Variants in CCSER2 observed in about 807,000 individuals in gnomAD.
CCSER2 encodes coiled-coil serine rich protein 2.
A neutral mutation model predicts 92.3 loss-of-function variants in CCSER2; 46 were observed. That is an observed-to-expected ratio of 0.50 (90% CI 0.39 to 0.64). The LOEUF is 0.64. Among genes scored for constraint, CCSER2 ranks in the 30% least tolerant of loss-of-function variants. CCSER2 has a pLI of 0.00. For missense variants in CCSER2, 1,244 were observed against 1,238.9 expected (o/e 1.00, Z -0.06); for synonymous variants, 433 against 431.4 (o/e 1.00, Z -0.04).
At position 84,508,209 on chromosome 10, in the gene CCSER2, C is replaced by T. The variant is rs182403281; in HGVS notation, c.2326-5240C>T. 7.9e-4 allele frequency among the ~76,000 whole-genome samples: 121 copies of T among 152,270 alleles called. 1 individual carries two copies. The highest frequency in any genetic ancestry group is 7.2e-3 in the Admixed American group (110 of 15,284). ...TTACTCATTTATAGAAAGAAAAGAA[C>T]AGTATGTTTCACCTAGGGGTCTCAT... On this transcript the variant is annotated intron_variant, in intron 9 of 9. Coordinates refer to ENST00000372088, the MANE Select transcript of CCSER2 (RefSeq NM_001284240.2).
intron 6 of CCSER2, among the ~76,000 whole-genome samples, chr10:84,454,475 C>T (rs539647643): frequency 4.6e-5 from 7 of 152,088 alleles, no homozygotes; most frequent in South Asian, 2.1e-4. Flanking sequence ...TAAAATTCAG[C>T]CTTTTGGTGT....
chr10:84,356,896 A>G (rs1845202785), intron 1 of CCSER2, among the ~76,000 whole-genome samples: 1 of 152,240 alleles, frequency 6.6e-6, no homozygotes, highest in Non-Finnish European at 1.5e-5. Context: ...TGTGCTGATA[A>G]TGTAAATTTG....
Position 84,391,993 on chromosome 10 carries a change from C to T in CCSER2, c.1614+18178C>T. 6 of 1,335,336 alleles carry T rather than the reference C, an allele frequency of 4.5e-6. No individual in the cohort carries two copies. In the South Asian group the frequency reaches 5.9e-5, roughly 13 times the overall value. 82.7% of individuals were successfully genotyped at this position (1,335,336 alleles called of 1,614,324 possible). A position where few individuals can be genotyped will look rare whatever the true frequency, so the allele number is the denominator to read the frequency against. ...GGCGATAAAAATTGGAGGCATTTCT[C>T]TGACCAGTTTCCTCTTCCCTTAAAA... On this transcript the variant is annotated intron_variant, in intron 3 of 9. Coordinates refer to ENST00000372088, the MANE Select transcript of CCSER2 (RefSeq NM_001284240.2).
Position 84,371,504 on chromosome 10 carries a change from A to G in CCSER2, c.452A>G (p.Lys151Arg). ...TTTTCTGGACCATCTAATTTGGGTA[A>G]ATTCACCAAAGGCACATTATTAGGA... Reference protein sequence around the residue: ...KSFSGPSNLGKFTKGTLLGRT... With the variant: ...KSFSGPSNLGRFTKGTLLGRT... The change falls in exon 2 of 10, where the codon AAA (lysine) becomes AGA (arginine). Residue 151 changes from lysine (K) to arginine (R), a missense_variant. Transcript: ENST00000372088. 6.2e-7 allele frequency: 1 copy of G among 1,613,856 alleles called. No individual in the cohort carries two copies. Among genetic ancestry groups the G allele is most frequent in the Non-Finnish European group, 8.5e-7 (1 of 1,179,838 alleles).
chr10:84,495,650 A>G (rs1051946662), intron 9 of CCSER2, among the ~76,000 whole-genome samples: 2 of 152,136 alleles, frequency 1.3e-5, no homozygotes, highest in South Asian at 4.1e-4. Context: ...GTGTGCTGTT[A>G]GGATCACTGT....
intron 9 of CCSER2, among the ~76,000 whole-genome samples, chr10:84,492,434 C>T (rs1848227079): frequency 1.3e-5 from 2 of 152,138 alleles, no homozygotes; most frequent in South Asian, 2.1e-4. Context: ...ACAGTGTTCT[C>T]ACTTTTTGAT....
chr10:84,344,657 C>G (rs990051830), intron 1 of CCSER2, among the ~76,000 whole-genome samples: 1 of 152,270 alleles, frequency 6.6e-6, no homozygotes, highest in African/African-American at 2.4e-5. Context: ...AGAATTCCCA[C>G]GGTGGACAAG....
chr10:84,333,762 T>C (rs189052271), intron 1 of CCSER2, among the ~76,000 whole-genome samples: 47 of 152,350 alleles, frequency 3.1e-4, no homozygotes, highest in African/African-American at 1.1e-3. Context: ...TAGTAACTGA[T>C]ACACAACAGA....
chr10:84,360,403 A>G (rs565397295), intron 1 of CCSER2, among the ~76,000 whole-genome samples: 82 of 152,346 alleles, frequency 5.4e-4, no homozygotes, highest in Middle Eastern at 3.4e-3. Flanking sequence ...AGCAGGATAC[A>G]TGCTTATTTC....
chr10:84,409,000 A>G (rs1842510950), intron 3 of CCSER2, among the ~76,000 whole-genome samples: 1 of 152,126 alleles, frequency 6.6e-6, no homozygotes, highest in Non-Finnish European at 1.5e-5. Context: ...TTATTTATTT[A>G]TATTTTTTGA....
chr10:84,373,531 A>G (rs1846177710), intron 2 of CCSER2, 88 bp from the exon 3 acceptor site: 4 of 991,214 alleles, frequency 4.0e-6, no homozygotes, highest in Non-Finnish European at 5.9e-6. Flanking sequence ...CTTTTTTGCT[A>G]TGATATATCA....
chr10:84,402,415 T>C (rs1396244051), intron 3 of CCSER2, among the ~76,000 whole-genome samples: 1 of 152,200 alleles, frequency 6.6e-6, no homozygotes, highest in Non-Finnish European at 1.5e-5. Context: ...AACAAAAATA[T>C]AATGTCAGCA....
At chr10:84,431,136 T>C (rs1338016637) in intron 5 of CCSER2, among the ~76,000 whole-genome samples, 2 of 150,678 alleles carry the variant, frequency 1.3e-5, no homozygotes, top group Admixed American at 1.4e-4. Flanking sequence ...CTAAAATTCA[T>C]AGTTTATATT....
At chr10:84,493,549 T>A (rs1172893176) in intron 9 of CCSER2, among the ~76,000 whole-genome samples, 1 of 152,190 alleles carries the variant, frequency 6.6e-6, no homozygotes, top group African/African-American at 2.4e-5. Flanking sequence ...AGTTGGCTAT[T>A]TTTAATGGTT....
intron 5 of CCSER2, among the ~76,000 whole-genome samples, chr10:84,434,233 T>C (rs947478725): frequency 1.3e-5 from 2 of 152,196 alleles, no homozygotes; most frequent in African/African-American, 4.8e-5. Context: ...CTGAGATTTA[T>C]TTTTTAATGT....
intron 9 of CCSER2, among the ~76,000 whole-genome samples, chr10:84,483,973 ATATATATATATATATATATATATAAT>A (rs1847627846): frequency 2.1e-5 from 1 of 48,162 alleles, no homozygotes; most frequent in South Asian, 7.8e-4. Context: ...ATATATATAT[ATATATATATATATATATATATATAAT>A]TTTTTTTTTT....
At chr10:84,512,367 A>AGTGTGTGTGTGT (rs141667701) in intron 9 of CCSER2, among the ~76,000 whole-genome samples, 3 of 139,744 alleles carry the variant, frequency 2.1e-5, no homozygotes, top group African/African-American at 7.9e-5. Context: ...TTATTTAAAC[A>AGTGTGTGTGTGT]GTGTGTGTGT....
At chr10:84,492,260 G>A (rs965987708) in intron 9 of CCSER2, among the ~76,000 whole-genome samples, 15 of 150,606 alleles carry the variant, frequency 1.0e-4, no homozygotes, top group African/African-American at 3.4e-4. Flanking sequence ...AGCCTGGGTG[G>A]CAGAACGAGA....
At chr10:84,463,852 T>A in intron 6 of CCSER2, 81 bp from the exon 7 acceptor site, 1 of 908,594 alleles carries the variant, frequency 1.1e-6, no homozygotes, top group East Asian at 2.5e-5. Flanking sequence ...TGCTAGCATT[T>A]GGTCTGGGTA....
Sources: gnomAD v4.1 joint callset for allele counts (sites outside exome capture counted in the v4.1 genomes callset) on GRCh38, gnomAD v4.1.1 for gene constraint, MANE v1.5 for transcripts, NCBI Gene and HGNC (gene_info 2026-07-23, HGNC 2026-07-21) for gene names.